GIGYF2: variants seen among roughly 807,000 people sequenced by gnomAD.
GIGYF2 encodes GRB10 interacting GYF protein 2, also known as GRB10-interacting GYF protein 2.
A neutral mutation model predicts 208.1 loss-of-function variants in GIGYF2; 25 were observed. That is an observed-to-expected ratio of 0.12 (90% CI 0.09 to 0.17). GIGYF2 has a LOEUF of 0.17. Ranked by LOEUF, GIGYF2 falls within the 10% of genes least tolerant of loss-of-function variation. GIGYF2 has a pLI of 1.00. For missense variants in GIGYF2, 1,302 were observed against 1,579.4 expected (o/e 0.82, Z 2.98); for synonymous variants, 534 against 543.8 (o/e 0.98, Z 0.25).
chr2:232,710,472 T>C (rs1696339081), intron 2 of GIGYF2, among the ~76,000 whole-genome samples: 1 of 152,208 alleles, frequency 6.6e-6, no homozygotes. Context: ...CCAGCAAATG[T>C]TTAATGATTG....
At chr2:232,768,627 T>A (rs1559416077) in intron 8 of GIGYF2, 1 of 1,614,116 alleles carries the variant, frequency 6.2e-7, no homozygotes, top group East Asian at 2.2e-5. Flanking sequence ...CTGGTAGAGT[T>A]TGCCATTTTC....
intron 1 of GIGYF2, among the ~76,000 whole-genome samples, chr2:232,700,054 G>A (rs56113308): frequency 0.011 from 1,657 of 152,242 alleles, 39 homozygotes; most frequent in African/African-American, 0.038. Context: ...TAGTTCAGCT[G>A]AGGAATTTTA....
At chr2:232,715,049 C>T (rs1274567844) in intron 2 of GIGYF2, among the ~76,000 whole-genome samples, 1 of 152,154 alleles carries the variant, frequency 6.6e-6, no homozygotes. Context: ...GTTTTCTGTT[C>T]CTGCATTGGT....
chr2:232,783,661 T>G (rs1214757410), intron 8 of GIGYF2, among the ~76,000 whole-genome samples: 1 of 150,530 alleles, frequency 6.6e-6, no homozygotes, highest in Non-Finnish European at 1.5e-5. Flanking sequence ...TTTTTTTGTT[T>G]GTTTACTAAG....
chr2:232,789,967 A>C (rs1559433655), intron 9 of GIGYF2, among the ~76,000 whole-genome samples: 2 of 152,068 alleles, frequency 1.3e-5, no homozygotes, highest in African/African-American at 4.8e-5. Flanking sequence ...ATGAGAAAGA[A>C]GGGAGAGGAG....
In GIGYF2 at chr2:232,771,209, G is replaced by A. The variant is rs2106339619; in HGVS notation, c.532+9773G>A. ...AAGACCAACATCATCCAACGCCAGC[G>A]CATGTCCATTAGGATTCCCCAAGCA... On this transcript the variant is annotated intron_variant, in intron 8 of 28. Coordinates refer to ENST00000373563, the MANE Select transcript of GIGYF2 (RefSeq NM_001103146.3). 2.5e-6 allele frequency: 4 copies of A among 1,612,910 alleles called. No individual in the cohort carries two copies. The highest frequency in any genetic ancestry group is 3.4e-6 in the Non-Finnish European group (4 of 1,179,002).
chr2:232,709,653 A>G (rs1369414782), intron 2 of GIGYF2, among the ~76,000 whole-genome samples: 3 of 152,096 alleles, frequency 2.0e-5, no homozygotes, highest in Non-Finnish European at 2.9e-5. Flanking sequence ...TACTAAAAAT[A>G]TAAAAATTAG....
At chr2:232,742,680 A>G (rs1698012810) in intron 3 of GIGYF2, among the ~76,000 whole-genome samples, 1 of 152,218 alleles carries the variant, frequency 6.6e-6, no homozygotes, top group African/African-American at 2.4e-5. Flanking sequence ...TAGTTGGATC[A>G]GGGGAAGACT....
intron 2 of GIGYF2, among the ~76,000 whole-genome samples, chr2:232,720,583 A>ATATATATTTTT (rs376956632): frequency 2.1e-4 from 31 of 144,986 alleles, no homozygotes; most frequent in Non-Finnish European, 3.9e-4. Flanking sequence ...ATATATATAT[A>ATATATATTTTT]TTTTTGTTTG....
At chr2:232,744,947 GTTGTGAAGGTTA>G (rs923142423) in intron 3 of GIGYF2, among the ~76,000 whole-genome samples, 4 of 152,192 alleles carry the variant, frequency 2.6e-5, no homozygotes, top group African/African-American at 9.6e-5. Context: ...TGTTTGGGTT[GTTGTGAAGGTTA>G]AATTAGATTA....
chr2:232,803,680 T>TGTCCCATAGATCAC (rs1191891760), intron 14 of GIGYF2, among the ~76,000 whole-genome samples: 2 of 94,166 alleles, frequency 2.1e-5, no homozygotes, highest in Admixed American at 1.0e-4. Flanking sequence ...GCTTCTTTTT[T>TGTCCCATAGATCAC]TTTTTTTTTT....
intron 3 of GIGYF2, among the ~76,000 whole-genome samples, chr2:232,737,212 G>A (rs1452975109): frequency 6.6e-6 from 1 of 152,164 alleles, no homozygotes; most frequent in East Asian, 1.9e-4. Flanking sequence ...GGTCATCTCA[G>A]TGTAGTATTG....
chr2:232,826,233 G>A (rs1035803735), intron 21 of GIGYF2, among the ~76,000 whole-genome samples: 4 of 152,156 alleles, frequency 2.6e-5, no homozygotes, highest in African/African-American at 9.7e-5. Context: ...TGGGATCGCT[G>A]GGTCAAATAG....
rs959937913 is a variant in GIGYF2, at chr2:232,858,180, G to A, written c.*1320G>A. ...TGGAATTGCCACTCACACTGGGTTG[G>A]AGTCATTGGGCAGCTGTGCCTGTGC... On this transcript the variant is annotated 3_prime_UTR_variant, in exon 29 of 29. Coordinates refer to ENST00000373563, the MANE Select transcript of GIGYF2 (RefSeq NM_001103146.3). 4.8e-5 allele frequency: 13 copies of A among 268,748 alleles called. No individual in the cohort carries two copies. The Admixed American group carries it at 6.8e-4, about 14-fold the overall frequency. The allele number at this position is 268,748 out of a possible 1,614,324, so 16.6% of individuals were successfully genotyped here.
chr2:232,825,729 AAGTTCTAGGGTACATGTGCAC>A (rs1217004104), intron 21 of GIGYF2, among the ~76,000 whole-genome samples: 10 of 152,012 alleles, frequency 6.6e-5, no homozygotes, highest in Non-Finnish European at 1.2e-4. Context: ...TTTTTTAATT[AAGTTCTAGGGTACATGTGCAC>A]AGCATGCAGG....
At position 232,820,614 on chromosome 2, in the gene GIGYF2, A is replaced by G. The variant is rs79047794; in HGVS notation, c.2529+629A>G. ...CAGGCATGAGCTGCTGTGCCCGGCC[A>G]TCACCCAGCAATAATTTCTAACGTA... On this transcript the variant is annotated intron_variant, in intron 21 of 28. Transcript: ENST00000373563. Among the ~76,000 whole-genome samples the G allele has an allele frequency of 2.3e-3, 346 of 152,182 alleles. 13 individuals are homozygous for G. In the East Asian group the frequency reaches 0.06, roughly 26 times the overall value.
chr2:232,710,050 C>G lies in GIGYF2; in HGVS notation c.-44+6561C>G, dbSNP rs190640604. 1.4e-3 allele frequency among the ~76,000 whole-genome samples: 215 copies of G among 152,044 alleles called. 1 individual carries two copies. Among genetic ancestry groups the G allele is most frequent in the African/African-American group, 4.9e-3 (204 of 41,512 alleles). On this transcript the variant is annotated intron_variant, in intron 2 of 28. Coordinates refer to ENST00000373563, the MANE Select transcript of GIGYF2 (RefSeq NM_001103146.3). ...TCTCAGCTCCATGCAAGCTCTGCCT[C>G]CCGGGTTCATGCCATTCTTCTGCCT...
intron 18 of GIGYF2, among the ~76,000 whole-genome samples, chr2:232,813,187 C>CTTTTTTT (rs894736273): frequency 8.1e-6 from 1 of 123,876 alleles, no homozygotes; most frequent in African/African-American, 3.0e-5. Flanking sequence ...TCTTTGCTTT[C>CTTTTTTT]TTTTTTTTTT....
intron 8 of GIGYF2, among the ~76,000 whole-genome samples, chr2:232,784,094 A>T (rs1699816836): frequency 6.6e-6 from 1 of 152,194 alleles, no homozygotes; most frequent in African/African-American, 2.4e-5. Context: ...GCATCCCTGA[A>T]ATTAAATGGA....
Sources: gnomAD v4.1 joint callset for allele counts (sites outside exome capture counted in the v4.1 genomes callset) on GRCh38, gnomAD v4.1.1 for gene constraint, MANE v1.5 for transcripts, NCBI Gene and HGNC (gene_info 2026-07-23, HGNC 2026-07-21) for gene names.